The following PIK3CB variants were observed in gnomAD, a reference collection of about 807,000 sequenced individuals.
PIK3CB encodes the protein phosphatidylinositol-4,5-bisphosphate 3-kinase catalytic subunit beta, also known as phosphatidylinositol 4,5-bisphosphate 3-kinase catalytic subunit beta isoform.
In PIK3CB, 39 loss-of-function variants were observed where a neutral mutation model predicts 136.8. That is an observed-to-expected ratio of 0.29 (90% CI 0.22 to 0.37). The LOEUF (loss-of-function observed/expected upper bound fraction) is 0.37, where lower values mean the gene tolerates loss of function less well. Ranked by LOEUF, PIK3CB falls within the 10% of genes least tolerant of loss-of-function variation. PIK3CB has a pLI of 1.00. For synonymous variants in PIK3CB, 428 were observed against 436.6 expected, an observed-to-expected ratio of 0.98 and a Z score of 0.25; for missense variants, 868 against 1,275.4, an observed-to-expected ratio of 0.68 and a Z score of 4.87.
rs1298312739 is a variant in PIK3CB at position 138,680,889 on chromosome 3, T to C, written c.2504+1078A>G. Among the ~76,000 whole-genome samples the C allele has an allele frequency of 3.3e-5, 5 of 152,136 alleles. No individual in the cohort carries two copies. In the East Asian group the frequency reaches 7.7e-4, roughly 24 times the overall value. On this transcript the variant is annotated intron_variant, in intron 19 of 23. Coordinates refer to ENST00000674063, the MANE Select transcript of PIK3CB (RefSeq NM_006219.3). Reference sequence around the variant, plus strand: ...TTTTTAGTAGAGCTGGGTTTCACCATGTTGGCCAGGCTGGTCGTGAACTCG... The same window carrying C: ...TTTTTAGTAGAGCTGGGTTTCACCACGTTGGCCAGGCTGGTCGTGAACTCG...
intron 13 of PIK3CB, among the ~76,000 whole-genome samples, chr3:138,696,240 T>C (rs1402558571): frequency 3.3e-5 from 5 of 151,214 alleles, no homozygotes; most frequent in African/African-American, 4.9e-5. Flanking sequence ...TGGAGTGCAG[T>C]GGCACTATCG....
chr3:138,830,692 G>A (rs554693701), intron 1 of PIK3CB, among the ~76,000 whole-genome samples: 57 of 151,900 alleles, frequency 3.8e-4, no homozygotes, highest in African/African-American at 1.2e-3. Flanking sequence ...GAGGTCAGGA[G>A]ATCGAGACCA....
chr3:138,705,174 C>CAAAAAAAAAAAAAAA (rs1159172292), intron 11 of PIK3CB, among the ~76,000 whole-genome samples: 1 of 57,062 alleles, frequency 1.8e-5, no homozygotes, highest in African/African-American at 8.5e-5. Flanking sequence ...AAAAAAAAAA[C>CAAAAAAAAAAAAAAA]AAAAAACAAA....
chr3:138,809,828 G>C (rs1290155839), intron 1 of PIK3CB, among the ~76,000 whole-genome samples: 2 of 152,070 alleles, frequency 1.3e-5, no homozygotes, highest in Non-Finnish European at 2.9e-5. Flanking sequence ...AGCTGAGAGA[G>C]CTTAGAAGCA....
At chr3:138,735,480 T>C (rs888366652) in intron 6 of PIK3CB, among the ~76,000 whole-genome samples, 9 of 152,186 alleles carry the variant, frequency 5.9e-5, no homozygotes, top group Admixed American at 2.0e-4. Context: ...TCAGCCATAC[T>C]TTCAGCTTGG....
chr3:138,793,759 T>C (rs527768794), intron 2 of PIK3CB, among the ~76,000 whole-genome samples: 1 of 148,622 alleles, frequency 6.7e-6, no homozygotes, highest in South Asian at 2.1e-4. Flanking sequence ...GTGGCTCCCA[T>C]CTGTAATCCC....
chr3:138,825,891 T>C (rs1576435492), intron 1 of PIK3CB: 3 of 1,554,318 alleles, frequency 1.9e-6, no homozygotes, highest in East Asian at 4.5e-5. Flanking sequence ...AATGTGTCTG[T>C]CAAAGATGTT....
In PIK3CB at chr3:138,654,326, ATAACT is replaced by A. The variant is rs975929562; in HGVS notation, c.*1058_*1062del. Reference sequence around the variant, plus strand: ...CCCTAAATATATGGTACCTCAACAAATAACTTAAAGATTTCCGTGTGGCGTGAAAC... The same window carrying A: ...CCCTAAATATATGGTACCTCAACAAATAAAGATTTCCGTGTGGCGTGAAAC... On this transcript the variant is annotated 3_prime_UTR_variant, in exon 24 of 24. Transcript: ENST00000674063. The A allele has an allele frequency of 5.0e-5, 11 of 219,964 alleles. No homozygotes were observed. The highest frequency in any genetic ancestry group is 1.8e-4 in the South Asian group (1 of 5,424). 13.6% of individuals were successfully genotyped at this position (219,964 alleles called of 1,614,324 possible).
chr3:138,829,239 A>C (rs1933920879), intron 1 of PIK3CB, among the ~76,000 whole-genome samples: 1 of 152,140 alleles, frequency 6.6e-6, no homozygotes, highest in Non-Finnish European at 1.5e-5. Flanking sequence ...CAACATAGCA[A>C]GATCCCATCT....
chr3:138,834,504 C>G (rs551022361), intron 1 of PIK3CB, among the ~76,000 whole-genome samples, 191 bp downstream of exon 1: 7 of 152,184 alleles, frequency 4.6e-5, no homozygotes, highest in Non-Finnish European at 7.3e-5. Context: ...CCAAGCCAGA[C>G]GCCCCCACCG....
intron 19 of PIK3CB, among the ~76,000 whole-genome samples, chr3:138,679,474 G>A (rs2043717841): frequency 6.6e-6 from 1 of 152,004 alleles, no homozygotes. Flanking sequence ...ATTTTAAATA[G>A]TTCAGGAGTC....
intron 12 of PIK3CB, among the ~76,000 whole-genome samples, chr3:138,700,112 C>T (rs1293383397): frequency 1.3e-5 from 2 of 152,124 alleles, no homozygotes; most frequent in Admixed American, 6.6e-5. Context: ...GTTCTAGCTA[C>T]TCAGGAGGCT....
intron 11 of PIK3CB, among the ~76,000 whole-genome samples, chr3:138,706,041 G>A (rs776082492): frequency 6.6e-6 from 1 of 152,206 alleles, no homozygotes; most frequent in Non-Finnish European, 1.5e-5. Context: ...CTTGAGCCAT[G>A]GTGCCTGGCT....
Position 138,657,690 on chromosome 3 carries a change from C to A in PIK3CB, c.2942G>T (p.Arg981Leu), listed in dbSNP as rs374353184. The A allele has an allele frequency of 1.0e-4, 162 of 1,613,306 alleles. No individual in the cohort carries two copies. The highest frequency in any genetic ancestry group is 1.3e-4 in the Non-Finnish European group (154 of 1,179,582). Residue 981 changes from arginine to leucine, a missense_variant and splice_region_variant, in exon 22 of 24, where the codon CGG (arginine) becomes CTG (leucine). Physicochemically the swap from Arg to Leu is moderately radical, Grantham distance 102 (BLOSUM62 -2). Transcript: ENST00000674063. ...GKTGNTEKFG[R>L]FRQCCEDAYL... ...GCCTTGGCACAAGGGCAGTACTCAC[C>A]GGCCAAACTTTTCTGTATTTCCTGT...
chr3:138,715,435 C>T (rs1365640118), intron 8 of PIK3CB, among the ~76,000 whole-genome samples: 1 of 152,156 alleles, frequency 6.6e-6, no homozygotes, highest in African/African-American at 2.4e-5. Flanking sequence ...CCCAGTGATA[C>T]ACTTTTAAGG....
At position 138,655,222 on chromosome 3, in the gene PIK3CB, G is replaced by C; in HGVS notation, c.*167C>G. 1.6e-6 allele frequency: 1 copy of C among 623,044 alleles called. No individual in the cohort carries two copies. The highest frequency in any genetic ancestry group is 2.8e-6 in the Non-Finnish European group (1 of 358,796). The allele number at this position is 623,044 out of a possible 1,614,324, so 38.6% of individuals were successfully genotyped here. ...TCAAAAAGCAGAGGGAATCATCGGG[G>C]ATTGTTCAGATTAGGTTCTGTGGGA... On this transcript the variant is annotated 3_prime_UTR_variant, in exon 24 of 24. Coordinates refer to ENST00000674063, the MANE Select transcript of PIK3CB (RefSeq NM_006219.3).
intron 4 of PIK3CB, among the ~76,000 whole-genome samples, chr3:138,749,753 T>C (rs1238699724): frequency 1.2e-4 from 19 of 152,220 alleles, no homozygotes; most frequent in Admixed American, 5.9e-4. Flanking sequence ...TAGGTATACA[T>C]CTTCTAAGAG....
At chr3:138,694,983 C>G (rs546787948) in intron 13 of PIK3CB, 76 bp from the exon 14 acceptor site, 2 of 1,406,872 alleles carry the variant, frequency 1.4e-6, no homozygotes, top group Admixed American at 2.4e-5. Flanking sequence ...CACAGGAGCA[C>G]CAAGATAGGT....
intron 16 of PIK3CB, 176 bp from the exon 17 acceptor site, chr3:138,684,979 C>G: frequency 1.9e-6 from 1 of 519,442 alleles, no homozygotes; most frequent in Non-Finnish European, 3.4e-6. Context: ...ATACAATAAA[C>G]TTATTTTTAA....
Sources: gnomAD v4.1 joint callset for allele counts (sites outside exome capture counted in the v4.1 genomes callset) on GRCh38, gnomAD v4.1.1 for gene constraint, MANE v1.5 for transcripts, NCBI Gene and HGNC (gene_info 2026-07-23, HGNC 2026-07-21) for gene names.